The following ANKRD44 variants were observed in gnomAD, a reference collection of about 807,000 sequenced individuals.
ANKRD44 encodes serine/threonine-protein phosphatase 6 regulatory ankyrin repeat subunit B.
A neutral mutation model predicts 116.0 loss-of-function variants in ANKRD44; 35 were observed. The observed-to-expected ratio is 0.30, with a 90% CI of 0.23 to 0.40. The LOEUF is 0.40. ANKRD44 is among the 10% of genes least tolerant of loss of function. ANKRD44 has a pLI of 1.00. For synonymous variants in ANKRD44, 435 were observed against 461.8 expected, an observed-to-expected ratio of 0.94 and a Z score of 0.74; for missense variants, 1,014 against 1,242.6, an observed-to-expected ratio of 0.82 and a Z score of 2.77.
intron 1 of ANKRD44, among the ~76,000 whole-genome samples, chr2:197,272,134 C>T (rs934743009): frequency 1.3e-5 from 2 of 152,114 alleles, no homozygotes; most frequent in African/African-American, 2.4e-5. Context: ...AGAAGAGCAC[C>T]CTTATCAGAA....
intron 1 of ANKRD44, among the ~76,000 whole-genome samples, chr2:197,193,645 C>T (rs1268581548): frequency 2.0e-5 from 3 of 151,920 alleles, no homozygotes; most frequent in Admixed American, 6.6e-5. Flanking sequence ...TTTGGGAGGC[C>T]GAGGAGGGTG....
intron 2 of ANKRD44, among the ~76,000 whole-genome samples, chr2:197,171,746 AC>A (rs2080239350): frequency 6.6e-6 from 1 of 151,984 alleles, no homozygotes; most frequent in Non-Finnish European, 1.5e-5. Flanking sequence ...CAAATGTGCC[AC>A]TCTTGGGTGG....
chr2:197,193,374 T>C (rs2080868264), intron 1 of ANKRD44, among the ~76,000 whole-genome samples: 1 of 152,180 alleles, frequency 6.6e-6, no homozygotes, highest in African/African-American at 2.4e-5. Context: ...AAGGAAGTGA[T>C]GGAATAACAG....
chr2:197,235,632 A>T (rs1396326342), intron 1 of ANKRD44, among the ~76,000 whole-genome samples: 2 of 151,562 alleles, frequency 1.3e-5, no homozygotes, highest in East Asian at 3.9e-4. Flanking sequence ...AAAAAAAAAA[A>T]AGTAGTGTAA....
rs182831927 is a variant in ANKRD44 at position 197,217,541 on chromosome 2, T to C, written c.28-30435A>G. Among the ~76,000 whole-genome samples, 46 of 152,312 alleles carry C rather than the reference T, an allele frequency of 3.0e-4. 1 individual carries two copies. In the East Asian group the frequency reaches 7.3e-3, roughly 24 times the overall value. ...GAGGCAGCAAAAATAGCACATTCAA[T>C]TGGGTATCTGAAAAACACTTGAAAT... On this transcript the variant is annotated intron_variant, in intron 1 of 27. Coordinates refer to ENST00000282272, the MANE Select transcript of ANKRD44 (RefSeq NM_001195144.2).
intron 17 of ANKRD44, among the ~76,000 whole-genome samples, chr2:197,023,370 G>T (rs1249521234): frequency 6.6e-6 from 1 of 152,154 alleles, no homozygotes; most frequent in East Asian, 1.9e-4. Flanking sequence ...ACTTACAGGT[G>T]GGGAAACCAT....
intron 26 of ANKRD44, 59 bp downstream of exon 26, chr2:196,995,320 C>T: frequency 7.8e-7 from 1 of 1,282,170 alleles, no homozygotes; most frequent in East Asian, 2.3e-5. Context: ...GCTCTTAATA[C>T]TTATTGAATA....
In ANKRD44 at chr2:197,248,758, C is replaced by T. The variant is rs1336961727; in HGVS notation, c.28-61652G>A. 4.0e-5 allele frequency among the ~76,000 whole-genome samples: 6 copies of T among 151,546 alleles called. No homozygotes were observed. The East Asian group carries it at 9.7e-4, about 24-fold the overall frequency. On this transcript the variant is annotated intron_variant, in intron 1 of 27. Coordinates refer to ENST00000282272, the MANE Select transcript of ANKRD44 (RefSeq NM_001195144.2). ...AAACATAGGAGGCTCTCTGGGGAGA[C>T]GAGGGGGAGGAAGTCAAAGCAGGGG...
intron 1 of ANKRD44, among the ~76,000 whole-genome samples, chr2:197,246,350 C>CCTTTT (rs1401035545): frequency 1.5e-5 from 1 of 65,876 alleles, no homozygotes; most frequent in African/African-American, 6.7e-5. Context: ...CTACATCTGG[C>CCTTTT]TTTTTTTTTT....
intron 16 of ANKRD44, among the ~76,000 whole-genome samples, chr2:197,073,964 A>G (rs2077612828): frequency 6.6e-6 from 1 of 152,116 alleles, no homozygotes; most frequent in Admixed American, 6.6e-5. Context: ...AAGCCCCCAA[A>G]ATTTTTTCTG....
At chr2:197,082,461 T>C (rs2077820211) in intron 14 of ANKRD44, among the ~76,000 whole-genome samples, 1 of 152,244 alleles carries the variant, frequency 6.6e-6, no homozygotes, top group Non-Finnish European at 1.5e-5. Flanking sequence ...ATTTTTTATC[T>C]AATGAAACAG....
intron 1 of ANKRD44, among the ~76,000 whole-genome samples, chr2:197,275,530 A>G (rs1454191533): frequency 2.0e-5 from 3 of 151,734 alleles, no homozygotes; most frequent in Admixed American, 2.0e-4. Context: ...TAGTTCATTC[A>G]TTTACTTATT....
intron 3 of ANKRD44, among the ~76,000 whole-genome samples, chr2:197,140,891 G>A (rs1300588705): frequency 6.6e-5 from 10 of 152,044 alleles, no homozygotes; most frequent in Admixed American, 6.5e-4. Flanking sequence ...GCAGCTTATT[G>A]TATATCAATT....
intron 1 of ANKRD44, among the ~76,000 whole-genome samples, chr2:197,214,137 T>C (rs1317575681): frequency 6.6e-6 from 1 of 152,158 alleles, no homozygotes; most frequent in African/African-American, 2.4e-5. Flanking sequence ...TATAAGGAAA[T>C]GATCAGAGAT....
chr2:197,116,630 TCTC>T (rs1236274265), intron 8 of ANKRD44, among the ~76,000 whole-genome samples: 3 of 152,216 alleles, frequency 2.0e-5, no homozygotes, highest in African/African-American at 7.2e-5. Flanking sequence ...TCTGGCTCTT[TCTC>T]CTCCTCCTGT....
chr2:197,231,103 G>A (rs1460952522), intron 1 of ANKRD44, among the ~76,000 whole-genome samples: 1 of 152,130 alleles, frequency 6.6e-6, no homozygotes, highest in Non-Finnish European at 1.5e-5. Context: ...CTAAGTCACT[G>A]GCAGATGCGG....
chr2:197,205,284 C>T (rs1198041353), intron 1 of ANKRD44, among the ~76,000 whole-genome samples: 2 of 152,138 alleles, frequency 1.3e-5, no homozygotes, highest in Non-Finnish European at 2.9e-5. Context: ...TTGACTGTAA[C>T]ACTGGAATTC....
At chr2:197,022,512 A>G (rs2076516793) in intron 17 of ANKRD44, among the ~76,000 whole-genome samples, 1 of 152,180 alleles carries the variant, frequency 6.6e-6, no homozygotes. Flanking sequence ...CTCCCTCCAC[A>G]ACATGTGAGG....
At chr2:197,102,877 C>T (rs994907396) in intron 9 of ANKRD44, among the ~76,000 whole-genome samples, 5 of 152,128 alleles carry the variant, frequency 3.3e-5, no homozygotes, top group African/African-American at 1.2e-4. Flanking sequence ...ATACATGTTA[C>T]AATTATTTTT....
Sources: allele counts gnomAD v4.1 joint callset (sites outside exome capture counted in the v4.1 genomes callset), GRCh38; gene constraint gnomAD v4.1.1; transcripts MANE v1.5; gene names NCBI Gene and HGNC (gene_info 2026-07-23, HGNC 2026-07-21).